Variants in EHBP1 observed in about 807,000 individuals in gnomAD.
EHBP1 encodes EH domain-binding protein 1.
In EHBP1, 55 loss-of-function variants were observed where a neutral mutation model predicts 144.0. The ratio of observed to expected loss-of-function variants is 0.38; its 90% confidence interval spans 0.31 to 0.48. The LOEUF (loss-of-function observed/expected upper bound fraction) is 0.48. EHBP1 is among the 20% of genes least tolerant of loss of function. The pLI, the probability that EHBP1 is intolerant of heterozygous loss-of-function variation, is 0.98. For missense variants in EHBP1, 1,200 were observed against 1,364.2 expected, an observed-to-expected ratio of 0.88 and a Z score of 1.90; for synonymous variants, 469 against 472.7, an observed-to-expected ratio of 0.99 and a Z score of 0.10.
intron 5 of EHBP1, among the ~76,000 whole-genome samples, chr2:62,795,413 C>G (rs1330853180): frequency 1.3e-5 from 2 of 151,906 alleles, no homozygotes; most frequent in Non-Finnish European, 2.9e-5. Context: ...TATTGAATCT[C>G]CTATTCAGAT....
At chr2:63,022,293 T>C (rs2060787635) in intron 19 of EHBP1, among the ~76,000 whole-genome samples, 1 of 151,876 alleles carries the variant, frequency 6.6e-6, no homozygotes, top group South Asian at 2.1e-4. Flanking sequence ...CCTTCCTCTT[T>C]CCTCCTTCCT....
Position 62,889,910 on chromosome 2 carries a change from T to C in EHBP1, c.1185+15378T>C, listed in dbSNP as rs190239866. On this transcript the variant is annotated intron_variant, in intron 10 of 22. Coordinates refer to ENST00000431489, the MANE Select transcript of EHBP1 (RefSeq NM_001142616.3). ...TGCCTCTAGCTTTGTTCTTTTTGCT[T>C]AGGATTGCCTTCGCTATTCAGGATA... Among the ~76,000 whole-genome samples the C allele has an allele frequency of 7.9e-5, 12 of 152,108 alleles. No homozygotes were observed. The East Asian group carries it at 2.1e-3, about 27-fold the overall frequency.
intron 5 of EHBP1, among the ~76,000 whole-genome samples, chr2:62,820,867 T>C (rs906150579): frequency 3.4e-5 from 5 of 148,508 alleles, no homozygotes; most frequent in African/African-American, 1.2e-4. Flanking sequence ...ACTGTTTCCT[T>C]CTGGAGGAAG....
intron 3 of EHBP1, 83 bp downstream of exon 3, chr2:62,747,535 A>C: frequency 9.4e-7 from 1 of 1,060,380 alleles, no homozygotes. Flanking sequence ...AATATTTTAA[A>C]ATATTACTTG....
At chr2:63,043,749 C>A (rs910922105) in intron 21 of EHBP1, among the ~76,000 whole-genome samples, 1 of 151,628 alleles carries the variant, frequency 6.6e-6, no homozygotes, top group Non-Finnish European at 1.5e-5. Flanking sequence ...TGGTAACCAG[C>A]GGTGTGCATT....
intron 6 of EHBP1, among the ~76,000 whole-genome samples, chr2:62,829,105 G>T (rs1394321755): frequency 1.3e-5 from 2 of 149,912 alleles, no homozygotes. Context: ...TATAGAGTGA[G>T]ACCCTGTCTT....
chr2:62,925,246 A>G (rs1488479450), intron 10 of EHBP1, among the ~76,000 whole-genome samples: 1 of 152,150 alleles, frequency 6.6e-6, no homozygotes, highest in Non-Finnish European at 1.5e-5. Context: ...CACAGCTAAC[A>G]TCTTACTGAA....
chr2:62,750,010 G>C (rs527853339), intron 3 of EHBP1, among the ~76,000 whole-genome samples: 6 of 152,102 alleles, frequency 3.9e-5, no homozygotes, highest in African/African-American at 1.4e-4. Context: ...TGTCAATTTT[G>C]TCTTTTGTTG....
chr2:62,808,538 A>G (rs909100086), intron 5 of EHBP1, among the ~76,000 whole-genome samples: 4 of 152,252 alleles, frequency 2.6e-5, no homozygotes, highest in South Asian at 4.1e-4. Flanking sequence ...TGCTTTATCT[A>G]TTAGAGCCCT....
chr2:62,819,736 C>T (rs1406930993), intron 5 of EHBP1, among the ~76,000 whole-genome samples: 3 of 151,362 alleles, frequency 2.0e-5, no homozygotes, highest in Non-Finnish European at 4.4e-5. Flanking sequence ...TGCACTCCAG[C>T]CTGGGTGACA....
chr2:62,849,846 A>G (rs565813653), intron 7 of EHBP1, among the ~76,000 whole-genome samples: 3 of 152,296 alleles, frequency 2.0e-5, no homozygotes, highest in African/African-American at 2.4e-5. Flanking sequence ...GGGACTATCT[A>G]TGGTCATTAG....
chr2:62,757,444 T>C (rs1289626637), intron 3 of EHBP1, among the ~76,000 whole-genome samples: 7 of 147,636 alleles, frequency 4.7e-5, no homozygotes, highest in African/African-American at 1.0e-4. Context: ...TTTTTTTTTT[T>C]TGAGGCAGAG....
At chr2:62,929,617 T>G (rs1558931421) in intron 10 of EHBP1, among the ~76,000 whole-genome samples, 2 of 151,460 alleles carry the variant, frequency 1.3e-5, no homozygotes, top group Non-Finnish European at 3.0e-5. Context: ...ACAGAAAATA[T>G]CATATTCAAT....
intron 5 of EHBP1, among the ~76,000 whole-genome samples, chr2:62,811,877 T>A (rs2045038752): frequency 6.6e-6 from 1 of 152,216 alleles, no homozygotes; most frequent in Non-Finnish European, 1.5e-5. Context: ...CCACTGAGAC[T>A]TTTAAGTCCA....
At chr2:62,793,179 A>C (rs1313829775) in intron 5 of EHBP1, among the ~76,000 whole-genome samples, 2 of 152,102 alleles carry the variant, frequency 1.3e-5, no homozygotes, top group Admixed American at 6.6e-5. Context: ...ATTTTAAAAG[A>C]TGCCTTATGC....
intron 3 of EHBP1, among the ~76,000 whole-genome samples, chr2:62,754,038 A>G (rs964788570): frequency 6.6e-6 from 1 of 152,140 alleles, no homozygotes; most frequent in Non-Finnish European, 1.5e-5. Context: ...GCTGGCGAGG[A>G]GCTCCGTTCC....
intron 10 of EHBP1, among the ~76,000 whole-genome samples, chr2:62,890,743 C>G (rs1009453629): frequency 2.6e-5 from 4 of 152,138 alleles, no homozygotes; most frequent in African/African-American, 9.7e-5. Context: ...TCAGGGCAGT[C>G]AGGCAAGAGA....
At chr2:62,986,927 A>G (rs1164912412) in intron 15 of EHBP1, among the ~76,000 whole-genome samples, 1 of 152,160 alleles carries the variant, frequency 6.6e-6, no homozygotes, top group Admixed American at 6.5e-5. Flanking sequence ...CAAACTGTAG[A>G]ATTATCAATT....
intron 10 of EHBP1, among the ~76,000 whole-genome samples, chr2:62,881,326 T>C (rs1045817771): frequency 5.5e-5 from 8 of 144,374 alleles, no homozygotes; most frequent in East Asian, 2.1e-4. Flanking sequence ...AAATAATCTA[T>C]ACACCAGTCC....
Sources: gnomAD v4.1 joint callset for allele counts (sites outside exome capture counted in the v4.1 genomes callset) on GRCh38, gnomAD v4.1.1 for gene constraint, MANE v1.5 for transcripts, NCBI Gene and HGNC (gene_info 2026-07-23, HGNC 2026-07-21) for gene names.